STT3A: variants seen among roughly 807,000 people sequenced by gnomAD.
STT3A encodes the protein dolichyl-diphosphooligosaccharide--protein glycosyltransferase subunit STT3A.
A neutral mutation model predicts 89.2 loss-of-function variants in STT3A; 34 were observed. That is an observed-to-expected ratio of 0.38 (90% CI 0.29 to 0.51). The LOEUF (loss-of-function observed/expected upper bound fraction) is 0.51, where lower values mean the gene tolerates loss of function less well. Among genes scored for constraint, STT3A ranks in the 20% least tolerant of loss-of-function variants. The pLI is 0.89. For missense variants in STT3A, 555 were observed against 889.5 expected (o/e 0.62, Z 4.78); for synonymous variants, 282 against 310.3 (o/e 0.91, Z 0.96).
intron 15 of STT3A, among the ~76,000 whole-genome samples, chr11:125,616,759 C>G (rs1940191720): frequency 6.6e-6 from 1 of 152,194 alleles, no homozygotes; most frequent in Admixed American, 6.5e-5. Flanking sequence ...CTCACTGCAG[C>G]CTCTGCTTCC....
intron 3 of STT3A, 68 bp downstream of exon 3, chr11:125,597,187 C>G: frequency 6.6e-7 from 1 of 1,520,914 alleles, no homozygotes; most frequent in East Asian, 2.3e-5. Context: ...GTTTCAGATT[C>G]AAATTTCAGT....
intron 6 of STT3A, among the ~76,000 whole-genome samples, chr11:125,604,981 A>C (rs535518647): frequency 6.6e-6 from 1 of 152,340 alleles, no homozygotes; most frequent in African/African-American, 2.4e-5. Context: ...GTGCGCCTAT[A>C]GTCCCAGCTA....
chr11:125,609,623 C>T (rs760184617), intron 10 of STT3A, 34 bp downstream of exon 10: 1 of 1,576,558 alleles, frequency 6.3e-7, no homozygotes, highest in Non-Finnish European at 8.6e-7. Flanking sequence ...TGGCCTTGTT[C>T]ATAAGAATCA....
chr11:125,607,073 A>G (rs931330561), intron 8 of STT3A, among the ~76,000 whole-genome samples: 1 of 152,238 alleles, frequency 6.6e-6, no homozygotes, highest in Non-Finnish European at 1.5e-5. Context: ...AGTGATCTGC[A>G]TTGAGTAGAA....
rs1440033672 is a variant in STT3A at position 125,614,471 on chromosome 11, A to C, written c.1774+45A>C. The C allele has an allele frequency of 6.5e-7, 1 of 1,540,776 alleles. No homozygotes were observed. Among genetic ancestry groups the C allele is most frequent in the Non-Finnish European group, 8.9e-7 (1 of 1,121,114 alleles). On this transcript the variant is annotated intron_variant, in intron 15 of 17. Transcript: ENST00000392708. The surrounding 1 kb of genome is among the most constrained non-coding windows in gnomAD (Gnocchi z 4.9). ...TTCTAGCTGCAGGACATAGATTCTA[A>C]GAAAACTAGATGAATATCCTAGTTT... is the stretch of plus-strand genomic sequence containing the variant.
chr11:125,592,785 G>A (rs1016326116), upstream of STT3A: 4 of 228,710 alleles, frequency 1.7e-5, no homozygotes, highest in Non-Finnish European at 3.7e-5. Flanking sequence ...TCGCTCTCCA[G>A]AAGCGTCCTA....
At chr11:125,597,005 G>C (rs929663643) in intron 2 of STT3A, 54 bp from the exon 3 acceptor site, 30 of 1,566,168 alleles carry the variant, frequency 1.9e-5, no homozygotes, top group Non-Finnish European at 2.5e-5. Context: ...TACTATATCT[G>C]CTGTTCTTTC....
intron 1 of STT3A, among the ~76,000 whole-genome samples, chr11:125,593,916 A>T (rs1304393768): frequency 6.6e-6 from 1 of 152,144 alleles, no homozygotes; most frequent in African/African-American, 2.4e-5. Flanking sequence ...AGATTCATGG[A>T]GGAGGATAGA....
intron 10 of STT3A, chr11:125,610,720 A>C (rs909560910): frequency 1.3e-5 from 1 of 79,342 alleles, no homozygotes; most frequent in Non-Finnish European, 2.9e-5. Context: ...TAATGCGCGC[A>C]CACACCCATA....
Position 125,594,182 on chromosome 11 carries a change from T to C in STT3A, c.-36+1264T>C, listed in dbSNP as rs145333556. Among the ~76,000 whole-genome samples the C allele has an allele frequency of 3.2e-3, 488 of 152,322 alleles. 1 individual carries two copies. Among genetic ancestry groups the C allele is most frequent in the African/African-American group, 0.011 (463 of 41,568 alleles). ...AATGTCACACTGTACTCCATAAATA[T>C]GTACAATTATGTGTCAGTCAAAAAG... On this transcript the variant is annotated intron_variant, in intron 1 of 17. Transcript: ENST00000392708.
chr11:125,600,540 T>G (rs1939642867), intron 3 of STT3A, among the ~76,000 whole-genome samples: 2 of 151,822 alleles, frequency 1.3e-5, no homozygotes, highest in African/African-American at 4.8e-5. Flanking sequence ...TGTTGTATTT[T>G]TTTTTAGAAA....
chr11:125,617,558 G>A (rs1940213120), intron 15 of STT3A, among the ~76,000 whole-genome samples: 1 of 152,198 alleles, frequency 6.6e-6, no homozygotes, highest in African/African-American at 2.4e-5. Flanking sequence ...TAAAGCCTGT[G>A]CAAGCAATAC....
rs551277612 is a variant in STT3A, at chr11:125,614,710, G to C, written c.1774+284G>C. ...GTAATAAAACCAAGCTGAATATAAG[G>C]CTCATGACAATGAACTTAAGAATTA... is the stretch of plus-strand genomic sequence containing the variant. On this transcript the variant is annotated intron_variant, in intron 15 of 17. Coordinates refer to ENST00000392708, the MANE Select transcript of STT3A (RefSeq NM_152713.5). This position sits in a 1 kb window ranked among gnomAD's most constrained non-coding sequence, Gnocchi z 4.9. Among the ~76,000 whole-genome samples the C allele has an allele frequency of 2.2e-4, 33 of 151,934 alleles. No individual in the cohort carries two copies. Among genetic ancestry groups the C allele is most frequent in the African/African-American group, 8.0e-4 (33 of 41,440 alleles).
At position 125,621,260 on chromosome 11, in the gene STT3A, T is replaced by G. The variant is rs1940341316; in HGVS notation, c.*450T>G. The stretch of plus-strand genomic sequence containing the variant: ...TTACAGACAGTTTTGTCATAACCCT[T>G]TGCATTGCAGCACCTAGTACAATTC... On this transcript the variant is annotated 3_prime_UTR_variant, in exon 18 of 18. Transcript: ENST00000392708. 6.4e-6 allele frequency: 1 copy of G among 155,518 alleles called. No individual in the cohort carries two copies. Among genetic ancestry groups the G allele is most frequent in the Admixed American group, 6.4e-5 (1 of 15,658 alleles). The allele number at this position is 155,518 out of a possible 1,614,324, so 9.6% of individuals were successfully genotyped here.
At chr11:125,615,386 G>A (rs991120360) in intron 15 of STT3A, among the ~76,000 whole-genome samples, 1 of 152,004 alleles carries the variant, frequency 6.6e-6, no homozygotes, top group Admixed American at 6.6e-5. Flanking sequence ...ATTTCTTCTA[G>A]TACTTACATG....
At chr11:125,609,756 A>G (rs1251162523) in intron 10 of STT3A, 167 bp downstream of exon 10, 3 of 676,118 alleles carry the variant, frequency 4.4e-6, no homozygotes, top group Non-Finnish European at 6.8e-6. Flanking sequence ...AGCAGAAGTC[A>G]GAAGTTCAAC....
chr11:125,600,920 G>A lies in STT3A; in HGVS notation c.150-1383G>A, dbSNP rs1444828255. Among the ~76,000 whole-genome samples the A allele has an allele frequency of 8.5e-5, 13 of 152,050 alleles. No individual in the cohort carries two copies. In the East Asian group the frequency reaches 2.1e-3, roughly 25 times the overall value. ...TCCCACTTCAACCTCCTGAGTGGCTGAGACTATAGGTGTGTGCCACCATGC... is the reference window on the plus strand; with the variant it reads ...TCCCACTTCAACCTCCTGAGTGGCTAAGACTATAGGTGTGTGCCACCATGC... On this transcript the variant is annotated intron_variant, in intron 3 of 17. Transcript: ENST00000392708.
upstream of STT3A, chr11:125,592,788 G>A (rs932721431): frequency 6.7e-5 from 15 of 224,456 alleles, no homozygotes; most frequent in African/African-American, 3.5e-4. Context: ...CTCTCCAGAA[G>A]CGTCCTATTG....
In STT3A at chr11:125,595,925, T is replaced by G. The variant is rs761732666; in HGVS notation, c.10T>G (p.Phe4Val). ...ACCCATTCATGTCAAGATGACTAAGTTTGGATTTTTGCGATTGTCCTATGA... is the reference window on the plus strand; with the variant it reads ...ACCCATTCATGTCAAGATGACTAAGGTTGGATTTTTGCGATTGTCCTATGA... MTKFGFLRLSYEKQ... is the reference protein window; with the variant it reads MTKVGFLRLSYEKQ... Residue 4 changes from phenylalanine to valine, a missense_variant, in exon 2 of 18, where the codon TTT becomes GTT. This residue lies in a region of STT3A where 129 missense variants were observed against 193.2 expected (regional missense o/e 0.67). Transcript: ENST00000392708. The G allele has an allele frequency of 6.2e-7, 1 of 1,613,342 alleles. No individual in the cohort carries two copies. The highest frequency in any genetic ancestry group is 1.1e-5 in the South Asian group (1 of 90,896).
Sources: allele counts gnomAD v4.1 joint callset (sites outside exome capture counted in the v4.1 genomes callset), GRCh38; gene constraint gnomAD v4.1.1; regional missense constraint gnomAD v4.1.1; non-coding constraint Gnocchi (gnomAD v3.1); transcripts MANE v1.5; gene names NCBI Gene and HGNC (gene_info 2026-07-23, HGNC 2026-07-21).